INSL6: variants seen among roughly 807,000 people sequenced by gnomAD.
The protein encoded by INSL6 is insulin-like peptide INSL6.
A neutral mutation model predicts 9.4 loss-of-function variants in INSL6; 16 were observed. The observed-to-expected ratio is 1.70, with a 90% CI of 1.15 to 2.59. The LOEUF is 2.59. INSL6 is among the 30% of genes most tolerant of loss of function. INSL6 has a pLI of 0.00. For missense variants in INSL6, 391 were observed against 257.3 expected (o/e 1.52, Z -3.56); for synonymous variants, 154 against 96.9 (o/e 1.59, Z -3.46).
At chr9:5,168,085 A>G (rs1441703280) in intron 1 of INSL6, among the ~76,000 whole-genome samples, 2 of 152,218 alleles carry the variant, frequency 1.3e-5, no homozygotes, top group Non-Finnish European at 2.9e-5. Context: ...CATTGGCCTC[A>G]AAGATCAAAG....
At chr9:5,097,517 G>A in the INSL6 span, 2 of 152,160 alleles carry the variant, frequency 1.3e-5, no homozygotes, top group African/African-American at 2.4e-5. Context: ...TTTATTGTAT[G>A]AGCACACCAT....
chr9:5,122,961 A>T, downstream of INSL6: 2 of 1,266,368 alleles, frequency 1.6e-6, no homozygotes, highest in African/African-American at 1.5e-5. Flanking sequence ...AAGAGTCCAC[A>T]TATCAAGTAA....
At chr9:5,057,298 G>C in the INSL6 span, among the ~76,000 whole-genome samples, 1 of 151,580 alleles carries the variant, frequency 6.6e-6, no homozygotes, top group African/African-American at 2.4e-5. Context: ...GCTTATTATT[G>C]CATTTTCCCA....
chr9:5,108,897 T>C, the INSL6 span: 3 of 152,174 alleles, frequency 2.0e-5, no homozygotes, highest in Non-Finnish European at 4.4e-5. Flanking sequence ...ATCCCTGTTA[T>C]TCTGCCTAGC....
chr9:5,127,627 G>T (rs375600983), intron 3 of INSL6: 1 of 231,754 alleles, frequency 4.3e-6, no homozygotes, highest in Non-Finnish European at 8.6e-6. Flanking sequence ...AAAATTTTGA[G>T]ATTAAGAATG....
chr9:5,119,612 A>C (rs1823463266), downstream of INSL6, among the ~76,000 whole-genome samples: 1 of 152,198 alleles, frequency 6.6e-6, no homozygotes, highest in Non-Finnish European at 1.5e-5. Flanking sequence ...ATACAGAGTA[A>C]AATATGGCTA....
intron 1 of INSL6, among the ~76,000 whole-genome samples, chr9:5,175,424 C>G (rs916784313): frequency 6.6e-6 from 1 of 152,110 alleles, no homozygotes; most frequent in Non-Finnish European, 1.5e-5. Context: ...CCAGAGTGAT[C>G]CATTTAAAAT....
intron 2 of INSL6, among the ~76,000 whole-genome samples, chr9:5,140,622 T>C (rs1020301277): frequency 1.4e-4 from 22 of 152,144 alleles, no homozygotes; most frequent in Admixed American, 3.9e-4. Flanking sequence ...ACTTTCTCCA[T>C]TTCCTACAGG....
At chr9:4,992,858 C>G in the INSL6 span, among the ~76,000 whole-genome samples, 1 of 152,158 alleles carries the variant, frequency 6.6e-6, no homozygotes, top group Non-Finnish European at 1.5e-5. Context: ...CACATGTTGC[C>G]AGTTCCTTGA....
chr9:5,107,020 T>TA, the INSL6 span, among the ~76,000 whole-genome samples: 1 of 152,146 alleles, frequency 6.6e-6, no homozygotes, highest in Non-Finnish European at 1.5e-5. Flanking sequence ...CCCTAGAACT[T>TA]AAAGTATAAT....
At chr9:5,064,111 G>A in the INSL6 span, among the ~76,000 whole-genome samples, 25 of 152,256 alleles carry the variant, frequency 1.6e-4, no homozygotes, top group Non-Finnish European at 3.2e-4. Flanking sequence ...AGCCAAGATC[G>A]CGCCATTGCA....
chr9:5,185,580 G>A lies in INSL6; in HGVS notation c.23C>T (p.Ser8Phe), dbSNP rs576555591. 7.4e-6 allele frequency: 12 copies of A among 1,613,612 alleles called. No individual in the cohort carries two copies. The highest frequency in any genetic ancestry group is 1.0e-5 in the Non-Finnish European group (12 of 1,179,950). Residue 8 changes from serine to phenylalanine, a missense_variant, in exon 1 of 2, where the codon TCC becomes TTC. Ser to Phe is a radical substitution (Grantham distance 155, BLOSUM62 -2). Transcript: ENST00000381641. MPRLLRL[S>F]LLWLGLLLVR... ...CAGCAGGAGTCCAAGCCACAGCAGGGACAAGCGGAGGAGCCGCGGCATCCC... is the reference window on the plus strand; with the variant it reads ...CAGCAGGAGTCCAAGCCACAGCAGGAACAAGCGGAGGAGCCGCGGCATCCC...
At chr9:5,041,452 C>T in the INSL6 span, 1 of 613,506 alleles carries the variant, frequency 1.6e-6, no homozygotes, top group Non-Finnish European at 3.1e-6. Context: ...GCAGCCTCCC[C>T]TGGCAGGGGC....
chr9:5,015,090 C>T, the INSL6 span, among the ~76,000 whole-genome samples: 1 of 152,094 alleles, frequency 6.6e-6, no homozygotes, highest in East Asian at 1.9e-4. Context: ...AAGATTTATC[C>T]ATGTTGCATA....
At chr9:5,119,526 G>GAT (rs1019563586), downstream of INSL6, among the ~76,000 whole-genome samples, 24 of 151,878 alleles carry the variant, frequency 1.6e-4, no homozygotes, top group African/African-American at 5.8e-4. Context: ...AGCTGAAGAT[G>GAT]ATATATATAT....
At chr9:5,161,056 G>A (rs991477261), downstream of INSL6, among the ~76,000 whole-genome samples, 5 of 152,090 alleles carry the variant, frequency 3.3e-5, no homozygotes, top group East Asian at 1.9e-4. Context: ...AAAAGTAGAC[G>A]TGGAGGGAAT....
At chr9:5,007,610 C>G in the INSL6 span, among the ~76,000 whole-genome samples, 1 of 151,890 alleles carries the variant, frequency 6.6e-6, no homozygotes, top group Non-Finnish European at 1.5e-5. Context: ...ACTTAATATA[C>G]TTTTATTAGG....
At chr9:5,170,979 A>G (rs372967747) in intron 1 of INSL6, among the ~76,000 whole-genome samples, 5 of 152,320 alleles carry the variant, frequency 3.3e-5, no homozygotes, top group African/African-American at 7.2e-5. Context: ...ACTCCTCCCT[A>G]ACTCATTCTA....
chr9:5,089,764 A>G, the INSL6 span: 2 of 1,597,872 alleles, frequency 1.3e-6, no homozygotes, highest in Non-Finnish European at 1.7e-6. Context: ...TCAGCATAGT[A>G]CTGAAGAGCA....
Sources: gnomAD v4.1 joint callset for allele counts (sites outside exome capture counted in the v4.1 genomes callset) on GRCh38, gnomAD v4.1.1 for gene constraint, MANE v1.5 for transcripts, NCBI Gene and HGNC (gene_info 2026-07-23, HGNC 2026-07-21) for gene names.